Variants in DDX31 observed in about 807,000 individuals in gnomAD.
The protein encoded by DDX31 is DEAD-box helicase 31.
A neutral mutation model predicts 91.3 loss-of-function variants in DDX31; 70 were observed. That is an observed-to-expected ratio of 0.77 (90% CI 0.63 to 0.94). DDX31 has a LOEUF of 0.94. Among genes scored for constraint, DDX31 ranks in the 40% least tolerant of loss-of-function variants. The probability of loss-of-function intolerance (pLI) is 0.00; values close to 1 mark genes in which losing one functional copy is unlikely to be tolerated. For missense variants in DDX31, 902 were observed against 925.0 expected, an observed-to-expected ratio of 0.98 and a Z score of 0.32; for synonymous variants, 362 against 350.6, an observed-to-expected ratio of 1.03 and a Z score of -0.36.
intron 1 of DDX31, among the ~76,000 whole-genome samples, chr9:132,665,493 C>T (rs947923653): frequency 6.6e-6 from 1 of 152,118 alleles, no homozygotes; most frequent in Non-Finnish European, 1.5e-5. Flanking sequence ...ACTAACATGG[C>T]CTCCTTCTGG....
At chr9:132,603,167 G>A (rs959882313) in intron 19 of DDX31, among the ~76,000 whole-genome samples, 11 of 152,202 alleles carry the variant, frequency 7.2e-5, no homozygotes, top group African/African-American at 2.4e-4. Context: ...TGCTGCCACC[G>A]CCACGAGCAC....
chr9:132,614,750 G>T (rs375203981), intron 18 of DDX31, among the ~76,000 whole-genome samples: 1 of 152,128 alleles, frequency 6.6e-6, no homozygotes, highest in Non-Finnish European at 1.5e-5. Context: ...CAGCTTTACA[G>T]GGATAATGAG....
Position 132,600,313 on chromosome 9 carries a change from T to C in DDX31, c.1995-5201A>G, listed in dbSNP as rs193297987. On this transcript the variant is annotated intron_variant, in intron 19 of 19. Transcript: ENST00000372159. Reference sequence around the variant, plus strand: ...TTAGGATCCAATCAAGTCTAGCTTTTGTAAAACTACCAGAGCCCCAGAAGA... The same window carrying C: ...TTAGGATCCAATCAAGTCTAGCTTTCGTAAAACTACCAGAGCCCCAGAAGA... Among the ~76,000 whole-genome samples the C allele has an allele frequency of 2.3e-4, 35 of 152,360 alleles. 1 individual carries two copies. The highest frequency in any genetic ancestry group is 1.0e-3 in the Admixed American group (16 of 15,310).
At chr9:132,637,169 C>G (rs1833169644) in intron 14 of DDX31, among the ~76,000 whole-genome samples, 1 of 152,022 alleles carries the variant, frequency 6.6e-6, no homozygotes, top group African/African-American at 2.4e-5. Context: ...GGGAGAGGTC[C>G]CAGGGAAACA....
At chr9:132,658,552 A>G in intron 6 of DDX31, 119 bp downstream of exon 6, 1 of 866,978 alleles carries the variant, frequency 1.2e-6, no homozygotes, top group South Asian at 1.5e-5. Context: ...AATTAAAAGG[A>G]GGTGAAAAAA....
chr9:132,599,516 G>A (rs1483586414), intron 19 of DDX31, among the ~76,000 whole-genome samples: 2 of 152,204 alleles, frequency 1.3e-5, no homozygotes, highest in East Asian at 1.9e-4. Flanking sequence ...TTTTCCCTAT[G>A]TCCTGTAGTT....
At chr9:132,622,556 C>T (rs1395763382) in intron 17 of DDX31, among the ~76,000 whole-genome samples, 1 of 152,228 alleles carries the variant, frequency 6.6e-6, no homozygotes, top group African/African-American at 2.4e-5. Context: ...GTGATCAACT[C>T]CCTGGAGAGA....
intron 19 of DDX31, among the ~76,000 whole-genome samples, chr9:132,599,402 A>C (rs186281002): frequency 1.3e-5 from 2 of 152,368 alleles, no homozygotes; most frequent in African/African-American, 4.8e-5. Context: ...AATGTTTTTA[A>C]TATACATAAA....
At chr9:132,637,199 G>A (rs1833173201) in intron 14 of DDX31, among the ~76,000 whole-genome samples, 1 of 152,126 alleles carries the variant, frequency 6.6e-6, no homozygotes, top group Non-Finnish European at 1.5e-5. Context: ...CCATCTCCCT[G>A]GAGCACAGTC....
intron 5 of DDX31, among the ~76,000 whole-genome samples, chr9:132,659,151 G>C (rs1290289247): frequency 2.0e-5 from 3 of 152,184 alleles, no homozygotes; most frequent in Admixed American, 1.3e-4. Flanking sequence ...CTGTACTCTA[G>C]AGCTAATCTC....
chr9:132,624,215 T>G (rs1832250355), intron 17 of DDX31, among the ~76,000 whole-genome samples: 1 of 147,538 alleles, frequency 6.8e-6, no homozygotes, highest in African/African-American at 2.5e-5. Context: ...AAAAGCCCCT[T>G]AACTAGAATT....
At chr9:132,641,975 C>T in intron 14 of DDX31, 29 bp downstream of exon 14, 1 of 1,606,854 alleles carries the variant, frequency 6.2e-7, no homozygotes, top group East Asian at 2.2e-5. Flanking sequence ...ATGTATCAGC[C>T]TTCACATGGA....
intron 1 of DDX31, among the ~76,000 whole-genome samples, chr9:132,663,045 G>A (rs140593971): frequency 4.8e-4 from 73 of 152,196 alleles, no homozygotes; most frequent in Non-Finnish European, 1.9e-4. Flanking sequence ...AATCCACCTT[G>A]TGAAGGGTGT....
intron 14 of DDX31, chr9:132,638,131 C>T: frequency 2.2e-6 from 3 of 1,381,392 alleles, no homozygotes; most frequent in East Asian, 2.7e-5. Flanking sequence ...CAGTTGGCGC[C>T]CAGGGCGGGC....
In DDX31 at chr9:132,595,325, C is replaced by T. The variant is rs1404721169; in HGVS notation, c.1995-213G>A. 6.6e-6 allele frequency among the ~76,000 whole-genome samples: 1 copy of T among 152,162 alleles called. No homozygotes were observed. Among genetic ancestry groups the T allele is most frequent in the Non-Finnish European group, 1.5e-5 (1 of 68,034 alleles). ...GATTTTCATAACAGCGGCAAAATAT[C>T]ATGGCATTTTTAAAAGTGAGGCTTT... is the stretch of plus-strand genomic sequence containing the variant. On this transcript the variant is annotated intron_variant, in intron 19 of 19. Transcript: ENST00000372159. This position sits in a 1 kb window ranked among gnomAD's most constrained non-coding sequence, Gnocchi z 4.6.
At chr9:132,622,096 T>C (rs1403052791) in intron 17 of DDX31, among the ~76,000 whole-genome samples, 1 of 152,194 alleles carries the variant, frequency 6.6e-6, no homozygotes, top group African/African-American at 2.4e-5. Context: ...ACAGAGTTTC[T>C]AGACCTAAGA....
intron 7 of DDX31, among the ~76,000 whole-genome samples, chr9:132,651,685 A>C (rs937674607): frequency 1.3e-5 from 2 of 152,270 alleles, no homozygotes; most frequent in Non-Finnish European, 2.9e-5. Flanking sequence ...AAATTAAAGT[A>C]GGCTACAACC....
intron 1 of DDX31, among the ~76,000 whole-genome samples, chr9:132,666,686 T>C (rs1456745439): frequency 6.7e-6 from 1 of 149,816 alleles, no homozygotes; most frequent in Non-Finnish European, 1.5e-5. Flanking sequence ...CACACCCAGC[T>C]ATTTTTGTGT....
intron 19 of DDX31, among the ~76,000 whole-genome samples, chr9:132,610,394 G>C (rs907578553): frequency 2.0e-5 from 3 of 152,198 alleles, no homozygotes; most frequent in Non-Finnish European, 4.4e-5. Context: ...TTTCCTCAAA[G>C]AATTACTGGA....
Sources: gnomAD v4.1 joint callset for allele counts (sites outside exome capture counted in the v4.1 genomes callset) on GRCh38, gnomAD v4.1.1 for gene constraint, Gnocchi (gnomAD v3.1) non-coding constraint, MANE v1.5 for transcripts, NCBI Gene and HGNC (gene_info 2026-07-23, HGNC 2026-07-21) for gene names.